KCNH7: variants seen among roughly 807,000 people sequenced by gnomAD.
KCNH7 encodes the protein potassium voltage-gated channel subfamily H member 7, also known as voltage-gated inwardly rectifying potassium channel KCNH7.
Under a neutral mutation model 120.8 loss-of-function variants are expected in KCNH7, and 49 were observed. The observed-to-expected ratio is 0.41, with a 90% CI of 0.32 to 0.51. The LOEUF is 0.51. Ranked by LOEUF, KCNH7 falls within the 20% of genes least tolerant of loss-of-function variation. The pLI is 0.38. For missense variants in KCNH7, 1,097 were observed against 1,446.6 expected (o/e 0.76, Z 3.92); for synonymous variants, 547 against 516.1 (o/e 1.06, Z -0.81).
chr2:162,783,149 T>G (rs1683564852), intron 2 of KCNH7, among the ~76,000 whole-genome samples: 1 of 152,144 alleles, frequency 6.6e-6, no homozygotes, highest in African/African-American at 2.4e-5. Context: ...CCTACAGACA[T>G]CTCTACAAGC....
chr2:162,574,853 C>A (rs751939745), intron 2 of KCNH7, among the ~76,000 whole-genome samples: 6 of 152,084 alleles, frequency 3.9e-5, no homozygotes, highest in Non-Finnish European at 8.8e-5. Context: ...ACAGTATTAT[C>A]AGGTTGTGTA....
intron 2 of KCNH7, among the ~76,000 whole-genome samples, chr2:162,573,646 T>C (rs758982199): frequency 1.3e-4 from 19 of 151,950 alleles, no homozygotes; most frequent in Non-Finnish European, 2.5e-4. Flanking sequence ...GGCCACCTTT[T>C]TTGTGTGTGT....
intron 12 of KCNH7, among the ~76,000 whole-genome samples, chr2:162,389,026 G>A (rs1686663267): frequency 6.6e-6 from 1 of 151,876 alleles, no homozygotes; most frequent in Non-Finnish European, 1.5e-5. Flanking sequence ...TTGTCATCAT[G>A]CATGCAGAAC....
In KCNH7 at chr2:162,373,494, G is replaced by C; in HGVS notation, c.3300C>G (p.Asp1100Glu). ...CTTGTGAGGAAGGGCTGAAACTTCGGTCAGTTTTGATGGATGCTTCCGGTT... is the reference window on the plus strand; with the variant it reads ...CTTGTGAGGAAGGGCTGAAACTTCGCTCAGTTTTGATGGATGCTTCCGGTT... Reference protein sequence around the residue: ...TSQPEASIKTDRSFSPSSQCP... With the variant: ...TSQPEASIKTERSFSPSSQCP... Residue 1100 changes from aspartate (D) to glutamate (E), a missense_variant, in exon 15 of 16, where the codon GAC becomes GAG. Physicochemically the swap from Asp to Glu is conservative, Grantham distance 45 (BLOSUM62 2). This residue lies in a region of KCNH7 where 406 missense variants were observed against 410.5 expected (regional missense o/e 0.99). Transcript: ENST00000332142. 3.2e-6 allele frequency: 5 copies of C among 1,555,426 alleles called. No individual in the cohort carries two copies. The highest frequency in any genetic ancestry group is 1.2e-5 in the South Asian group (1 of 81,866).
chr2:162,593,387 G>A (rs1019086780), intron 2 of KCNH7, among the ~76,000 whole-genome samples: 1 of 152,002 alleles, frequency 6.6e-6, no homozygotes, highest in Non-Finnish European at 1.5e-5. Flanking sequence ...TGAAGAGTAG[G>A]GATATTAAAC....
intron 2 of KCNH7, among the ~76,000 whole-genome samples, chr2:162,586,196 C>G (rs1019885371): frequency 6.6e-6 from 1 of 152,024 alleles, no homozygotes; most frequent in African/African-American, 2.4e-5. Flanking sequence ...AGTCTCTAAT[C>G]CCACTCTCCT....
At chr2:162,461,232 G>T (rs1689135377) in intron 6 of KCNH7, among the ~76,000 whole-genome samples, 1 of 152,160 alleles carries the variant, frequency 6.6e-6, no homozygotes, top group African/African-American at 2.4e-5. Flanking sequence ...TATTACTGAA[G>T]ACACCAGGCT....
chr2:162,650,206 G>A (rs1014036307), intron 2 of KCNH7, among the ~76,000 whole-genome samples: 8 of 152,136 alleles, frequency 5.3e-5, no homozygotes, highest in Non-Finnish European at 1.2e-4. Context: ...AGAGAATTCA[G>A]CATGGCTAAA....
intron 3 of KCNH7, among the ~76,000 whole-genome samples, chr2:162,525,484 AG>A (rs1691668953): frequency 6.6e-6 from 1 of 151,952 alleles, no homozygotes; most frequent in Non-Finnish European, 1.5e-5. Flanking sequence ...TCAGCCTCTT[AG>A]GGTTAAAATC....
intron 2 of KCNH7, among the ~76,000 whole-genome samples, chr2:162,582,439 G>A (rs1306401682): frequency 1.3e-5 from 2 of 152,062 alleles, no homozygotes; most frequent in African/African-American, 4.8e-5. Context: ...CTGGCAGAAA[G>A]TTTCCTTACA....
intron 2 of KCNH7, among the ~76,000 whole-genome samples, chr2:162,777,213 C>T (rs1248775349): frequency 2.0e-5 from 3 of 152,052 alleles, no homozygotes; most frequent in African/African-American, 7.2e-5. Context: ...CACAGATAAC[C>T]AAAATCCAAG....
chr2:162,698,578 G>A (rs939902040), intron 2 of KCNH7, among the ~76,000 whole-genome samples: 3 of 151,814 alleles, frequency 2.0e-5, no homozygotes, highest in African/African-American at 7.3e-5. Flanking sequence ...AACTGTGTTT[G>A]AGCAAAACTC....
chr2:162,676,642 T>A (rs1418645774), intron 2 of KCNH7, among the ~76,000 whole-genome samples: 1 of 151,544 alleles, frequency 6.6e-6, no homozygotes, highest in Non-Finnish European at 1.5e-5. Flanking sequence ...GTTGACATCC[T>A]CTGGAACTTT....
At chr2:162,580,378 T>C (rs1693828621) in intron 2 of KCNH7, among the ~76,000 whole-genome samples, 1 of 151,964 alleles carries the variant, frequency 6.6e-6, no homozygotes, top group Non-Finnish European at 1.5e-5. Context: ...AGTGTGTAAA[T>C]AAAAGCCAAA....
At chr2:162,418,555 A>G (rs1379484207) in intron 9 of KCNH7, among the ~76,000 whole-genome samples, 5 of 152,168 alleles carry the variant, frequency 3.3e-5, no homozygotes, top group East Asian at 3.9e-4. Context: ...GTTCACCATT[A>G]TACTTCGCTA....
intron 9 of KCNH7, among the ~76,000 whole-genome samples, chr2:162,419,248 A>G (rs1341345856): frequency 6.7e-6 from 1 of 149,628 alleles, no homozygotes; most frequent in African/African-American, 2.5e-5. Flanking sequence ...CTGTCTCTCA[A>G]AATTTCCTCC....
chr2:162,404,241 A>G (rs550703724), intron 9 of KCNH7, among the ~76,000 whole-genome samples: 3 of 152,042 alleles, frequency 2.0e-5, no homozygotes, highest in Admixed American at 1.3e-4. Context: ...TTTTGAAGGA[A>G]CATATCACCT....
At position 162,741,081 on chromosome 2, in the gene KCNH7, C is replaced by T. The variant is rs186703373; in HGVS notation, c.307+95456G>A. 2.4e-3 allele frequency among the ~76,000 whole-genome samples: 359 copies of T among 152,166 alleles called. 1 individual carries two copies. Among genetic ancestry groups the T allele is most frequent in the African/African-American group, 7.8e-3 (323 of 41,538 alleles). ...AACTGTTATGCAGATCCAGATACAA[C>T]TTAACCTAGTCTTCTAAGTATAAAA... On this transcript the variant is annotated intron_variant, in intron 2 of 15. Coordinates refer to ENST00000332142, the MANE Select transcript of KCNH7 (RefSeq NM_033272.4).
At chr2:162,380,695 T>G (rs1019741121) in intron 13 of KCNH7, among the ~76,000 whole-genome samples, 1 of 152,176 alleles carries the variant, frequency 6.6e-6, no homozygotes, top group Non-Finnish European at 1.5e-5. Context: ...GCTCTTTATT[T>G]TAAATATTGC....
Sources: gnomAD v4.1 joint callset for allele counts (sites outside exome capture counted in the v4.1 genomes callset) on GRCh38, gnomAD v4.1.1 for gene constraint, gnomAD v4.1.1 regional missense constraint, MANE v1.5 for transcripts, NCBI Gene and HGNC (gene_info 2026-07-23, HGNC 2026-07-21) for gene names.